NTN4: variants seen among roughly 807,000 people sequenced by gnomAD.
NTN4 encodes netrin-4.
A neutral mutation model predicts 73.6 loss-of-function variants in NTN4; 32 were observed. The ratio of observed to expected loss-of-function variants is 0.44; its 90% confidence interval spans 0.33 to 0.58. The LOEUF is 0.58. NTN4 is among the 20% of genes least tolerant of loss of function. NTN4 has a pLI of 0.04. For synonymous variants in NTN4, 258 were observed against 287.5 expected (o/e 0.90, Z 1.04); for missense variants, 654 against 798.3 (o/e 0.82, Z 2.18).
chr12:95,682,779 G>C lies in NTN4; in HGVS notation c.1438C>G (p.Pro480Ala), dbSNP rs1173609564. 1.2e-6 allele frequency: 2 copies of C among 1,613,960 alleles called. No homozygotes were observed. Among genetic ancestry groups the C allele is most frequent in the Non-Finnish European group, 8.5e-7 (1 of 1,179,892 alleles). Residue 480 changes from proline (P) to alanine (A), a missense_variant, in exon 7 of 10, where the codon CCC (proline) becomes GCC (alanine). Physicochemically the swap from Pro to Ala is conservative, Grantham distance 27. Transcript: ENST00000343702. ...DWYHEVPDFR[P>A]VHNKSEPAWE... The stretch of plus-strand genomic sequence containing the variant: ...GCTGGTTCGCTCTTATTGTGCACGG[G>C]ACGGAAGTCAGGAACTTCATGATAC...
intron 2 of NTN4, among the ~76,000 whole-genome samples, chr12:95,774,423 G>A (rs1467550662): frequency 6.6e-6 from 1 of 152,132 alleles, no homozygotes; most frequent in Non-Finnish European, 1.5e-5. Context: ...CACCTGGCAG[G>A]TGGGAAGGCT....
chr12:95,678,251 C>T (rs1484698608), intron 7 of NTN4, among the ~76,000 whole-genome samples: 1 of 150,376 alleles, frequency 6.6e-6, no homozygotes, highest in African/African-American at 2.5e-5. Context: ...GGGCTTAAAA[C>T]CTAGATGAGG....
At chr12:95,676,296 G>A (rs1011793668) in intron 7 of NTN4, among the ~76,000 whole-genome samples, 3 of 151,852 alleles carry the variant, frequency 2.0e-5, no homozygotes, top group South Asian at 2.1e-4. Flanking sequence ...AAGTAGAGAC[G>A]GGGTTTTGTC....
intron 3 of NTN4, among the ~76,000 whole-genome samples, chr12:95,726,695 G>T (rs547117959): frequency 6.6e-6 from 1 of 152,298 alleles, no homozygotes; most frequent in South Asian, 2.1e-4. Context: ...GGGCATGGTG[G>T]TTCACGCCTG....
In NTN4 at chr12:95,781,815, T is replaced by C. The variant is rs1319771875; in HGVS notation, c.585+5124A>G. ...CCCTCCCCTGTTTTGTTTTCTCTCC[T>C]TAGTATTTACCACACTCCGACATAA... is the stretch of plus-strand genomic sequence containing the variant. On this transcript the variant is annotated intron_variant, in intron 2 of 9. Coordinates refer to ENST00000343702, the MANE Select transcript of NTN4 (RefSeq NM_021229.4). The surrounding 1 kb of genome is among the most constrained non-coding windows in gnomAD (Gnocchi z 4.1). 1.3e-5 allele frequency among the ~76,000 whole-genome samples: 2 copies of C among 152,120 alleles called. No individual in the cohort carries two copies. Among genetic ancestry groups the C allele is most frequent in the Non-Finnish European group, 1.5e-5 (1 of 68,014 alleles).
chr12:95,738,674 C>A (rs2078800460), intron 2 of NTN4, among the ~76,000 whole-genome samples: 1 of 152,098 alleles, frequency 6.6e-6, no homozygotes, highest in Non-Finnish European at 1.5e-5. Flanking sequence ...ATTTACCTTG[C>A]CTAAAAATAT....
At chr12:95,778,647 T>G (rs533133420) in intron 2 of NTN4, among the ~76,000 whole-genome samples, 1 of 152,156 alleles carries the variant, frequency 6.6e-6, no homozygotes, top group South Asian at 2.1e-4. Context: ...AATAACAGGC[T>G]CTGAAATTGA....
chr12:95,752,517 C>G (rs28773533), intron 2 of NTN4, among the ~76,000 whole-genome samples: 122,188 of 151,020 alleles, frequency 0.81, 49,681 homozygotes, highest in Non-Finnish European at 0.85. Context: ...TACCTAGGCT[C>G]TACTGCCACA....
In NTN4 at chr12:95,780,346, C is replaced by A. The variant is rs181676268; in HGVS notation, c.585+6593G>T. On this transcript the variant is annotated intron_variant, in intron 2 of 9. Transcript: ENST00000343702. ...GCTTCTGCACAGCAAAAGAAACTAC[C>A]ATCAGAGTGAACAGGCAATCTACAG... Among the ~76,000 whole-genome samples, 6 of 152,232 alleles carry A rather than the reference C, an allele frequency of 3.9e-5. No homozygotes were observed. The East Asian group carries it at 1.2e-3, about 29-fold the overall frequency.
At chr12:95,689,631 G>A (rs1340624498) in intron 5 of NTN4, among the ~76,000 whole-genome samples, 1 of 152,156 alleles carries the variant, frequency 6.6e-6, no homozygotes, top group Non-Finnish European at 1.5e-5. Flanking sequence ...GACATACAAT[G>A]ATATTCAGAA....
intron 2 of NTN4, among the ~76,000 whole-genome samples, chr12:95,761,672 A>C (rs983516285): frequency 2.0e-5 from 3 of 152,186 alleles, no homozygotes; most frequent in African/African-American, 7.2e-5. Context: ...GTCAAAAGAC[A>C]TTAGAAGAGT....
chr12:95,695,578 T>A (rs1287339116), intron 5 of NTN4, among the ~76,000 whole-genome samples: 2 of 152,158 alleles, frequency 1.3e-5, no homozygotes. Context: ...TTGGCCAGGC[T>A]GGTCTTGAAC....
At chr12:95,671,111 G>C (rs2078226526) in intron 7 of NTN4, 2 of 152,158 alleles carry the variant, frequency 1.3e-5, no homozygotes, top group African/African-American at 4.8e-5. Flanking sequence ...CAATTCTCCT[G>C]TCTCAGCTTC....
chr12:95,748,523 G>A (rs1430610348), intron 2 of NTN4, among the ~76,000 whole-genome samples: 6 of 132,228 alleles, frequency 4.5e-5, no homozygotes, highest in South Asian at 2.4e-4. Context: ...TGTTGTCCAC[G>A]TTGGAATGCA....
At chr12:95,783,461 G>A (rs2079146691) in intron 2 of NTN4, among the ~76,000 whole-genome samples, 1 of 152,206 alleles carries the variant, frequency 6.6e-6, no homozygotes, top group African/African-American at 2.4e-5. Flanking sequence ...TTACTGCTCA[G>A]GAGAAAACTG....
At chr12:95,693,839 C>T (rs1279791759) in intron 5 of NTN4, among the ~76,000 whole-genome samples, 1 of 151,688 alleles carries the variant, frequency 6.6e-6, no homozygotes, top group Non-Finnish European at 1.5e-5. Flanking sequence ...GGTCCTGCTG[C>T]CCTGAAATGT....
At chr12:95,770,349 A>G (rs894655479) in intron 2 of NTN4, among the ~76,000 whole-genome samples, 1 of 152,110 alleles carries the variant, frequency 6.6e-6, no homozygotes, top group Non-Finnish European at 1.5e-5. Context: ...ATCATCAGAG[A>G]GGGAGCTATG....
At chr12:95,775,236 C>T (rs2079082843) in intron 2 of NTN4, among the ~76,000 whole-genome samples, 1 of 152,226 alleles carries the variant, frequency 6.6e-6, no homozygotes, top group African/African-American at 2.4e-5. Flanking sequence ...CAGCTCCAGT[C>T]TACAGCTCCC....
At chr12:95,747,148 G>GA (rs1431497845) in intron 2 of NTN4, among the ~76,000 whole-genome samples, 1 of 151,626 alleles carries the variant, frequency 6.6e-6, no homozygotes, top group African/African-American at 2.4e-5. Flanking sequence ...AGAAAGGCAT[G>GA]AAAAATCAAT....
Sources: gnomAD v4.1 joint callset for allele counts (sites outside exome capture counted in the v4.1 genomes callset) on GRCh38, gnomAD v4.1.1 for gene constraint, Gnocchi (gnomAD v3.1) non-coding constraint, MANE v1.5 for transcripts, NCBI Gene and HGNC (gene_info 2026-07-23, HGNC 2026-07-21) for gene names.